CACNA1G: variants seen among roughly 807,000 people sequenced by gnomAD.
CACNA1G encodes calcium voltage-gated channel subunit alpha1 G.
CACNA1G carries 67 observed loss-of-function variants against 219.4 expected under a neutral mutation model. The ratio of observed to expected loss-of-function variants is 0.31; its 90% CI spans 0.25 to 0.37. The LOEUF (loss-of-function observed/expected upper bound fraction) is 0.37, where lower values mean the gene tolerates loss of function less well. Among genes scored for constraint, CACNA1G ranks in the 10% least tolerant of loss-of-function variants. The pLI, the probability that CACNA1G is intolerant of heterozygous loss-of-function variation, is 1.00. For missense variants in CACNA1G, 2,380 were observed against 3,231.4 expected (o/e 0.74, Z 6.39); for synonymous variants, 1,296 against 1,345.3 (o/e 0.96, Z 0.80).
chr17:50,597,650 TCTA>T (rs1230655877), intron 16 of CACNA1G, among the ~76,000 whole-genome samples: 1 of 152,240 alleles, frequency 6.6e-6, no homozygotes, highest in Non-Finnish European at 1.5e-5. Context: ...CATTTAAAAA[TCTA>T]CTCTTAGCAA....
chr17:50,622,396 C>T lies in CACNA1G; in HGVS notation c.6060+602C>T, dbSNP rs571914470. ...TCCCTACCCTTTCCCTTCTCCAGCT[C>T]CCGTCCCTTCTGACTGTGAGCAGCC... On this transcript the variant is annotated intron_variant, in intron 35 of 37. Transcript: ENST00000359106. Among the ~76,000 whole-genome samples the T allele has an allele frequency of 1.7e-4, 26 of 152,208 alleles. No individual in the cohort carries two copies. The East Asian group carries it at 5.0e-3, about 29-fold the overall frequency.
At position 50,578,276 on chromosome 17, in the gene CACNA1G, C is replaced by T. The variant is rs1568006379; in HGVS notation, c.2013C>T (p.Ala671=). ...GTCCAGACAGCTGCCCCTACTGTGC[C>T]CGGGCCGGGGCAGGGGAGGTGGAGC... The part of the protein sequence containing the change: ...ACGPDSCPYC[A]RAGAGEVELA... Residue 671 remains alanine, a synonymous_variant, in exon 9 of 38, where the codon GCC becomes GCT. Coordinates refer to ENST00000359106, the MANE Select transcript of CACNA1G (RefSeq NM_018896.5). The surrounding 1 kb of genome is among the most constrained non-coding windows in gnomAD (Gnocchi z 4.5). 6.2e-7 allele frequency: 1 copy of T among 1,613,014 alleles called. No individual in the cohort carries two copies. Among genetic ancestry groups the T allele is most frequent in the Non-Finnish European group, 8.5e-7 (1 of 1,179,778 alleles).
In CACNA1G at chr17:50,599,434, G is replaced by T. The variant is rs57225302; in HGVS notation, c.3265G>T (p.Ala1089Ser). The change falls in exon 17 of 38, where the codon GCC becomes TCC. Residue 1089 changes from alanine to serine, a missense_variant. Ala to Ser is a moderately conservative substitution (Grantham distance 99). This residue lies in a region of CACNA1G where 418 missense variants were observed against 434.3 expected (regional missense o/e 0.96). Transcript: ENST00000359106. ...AAHEMKSPPS[A>S]RSSPHSPWSA... ...CTCCCCTGCTCACCCACAGCCCAGC[G>T]CCCGCAGCTCTCCGCACAGCCCCTG... 58 of 1,545,808 alleles carry T rather than the reference G, an allele frequency of 3.8e-5. No individual in the cohort carries two copies. In the East Asian group the frequency reaches 1.4e-3, roughly 36 times the overall value.
At chr17:50,614,939 G>T (rs2050125784) in intron 26 of CACNA1G, among the ~76,000 whole-genome samples, 1 of 152,240 alleles carries the variant, frequency 6.6e-6, no homozygotes, top group African/African-American at 2.4e-5. Flanking sequence ...GCTTGGTGAA[G>T]GAGCAAAAGC....
At chr17:50,605,133 C>T (rs2047682184) in intron 22 of CACNA1G, among the ~76,000 whole-genome samples, 1 of 152,226 alleles carries the variant, frequency 6.6e-6, no homozygotes, top group African/African-American at 2.4e-5. Flanking sequence ...CCTCACTTCC[C>T]AGCCTCCTTG....
At chr17:50,574,250 C>T (rs535732522) in intron 7 of CACNA1G, among the ~76,000 whole-genome samples, 2 of 152,270 alleles carry the variant, frequency 1.3e-5, no homozygotes, top group East Asian at 1.9e-4. Flanking sequence ...ACCAAGAGGC[C>T]AACGACAGAG....
intron 9 of CACNA1G, among the ~76,000 whole-genome samples, chr17:50,590,113 G>T (rs1436259021): frequency 6.6e-6 from 1 of 152,148 alleles, no homozygotes; most frequent in African/African-American, 2.4e-5. Flanking sequence ...CATGCTGCTG[G>T]CCTGGGCCCG....
chr17:50,619,430 C>T (rs1322824291), intron 33 of CACNA1G, among the ~76,000 whole-genome samples: 30 of 152,148 alleles, frequency 2.0e-4, no homozygotes, highest in Non-Finnish European at 8.8e-5. Context: ...CTCCCCCCGC[C>T]GTGGGCTCTG....
At chr17:50,572,351 A>C (rs1432673102) in intron 5 of CACNA1G, among the ~76,000 whole-genome samples, 1 of 152,082 alleles carries the variant, frequency 6.6e-6, no homozygotes, top group Non-Finnish European at 1.5e-5. Context: ...ACCTTCCAAC[A>C]TCCTGAGTCT....
chr17:50,572,718 C>A lies in CACNA1G; in HGVS notation c.911C>A (p.Ala304Asp). The change falls in exon 6 of 38, where the codon GCC becomes GAC. Residue 304 changes from alanine (A) to aspartate (D), a missense_variant. Physicochemically the swap from Ala to Asp is moderately radical, Grantham distance 126 (BLOSUM62 -2). This residue lies in a region of CACNA1G where 68 missense variants were observed against 85.3 expected (regional missense o/e 0.80). Coordinates refer to ENST00000359106, the MANE Select transcript of CACNA1G (RefSeq NM_018896.5). ...CCACCTTGCGGTCTGGACTATGAGG[C>A]CTACAACAGCTCCAGCAACACCACC... ...GGPPCGLDYE[A>D]YNSSSNTTCV... The A allele has an allele frequency of 6.2e-7, 1 of 1,613,896 alleles. No individual in the cohort carries two copies. Among genetic ancestry groups the A allele is most frequent in the Admixed American group, 1.7e-5 (1 of 60,016 alleles).
chr17:50,606,126 G>A (rs1018471376), intron 23 of CACNA1G, 103 bp downstream of exon 23: 4 of 1,461,920 alleles, frequency 2.7e-6, no homozygotes, highest in Admixed American at 1.7e-5. Context: ...TGGGCTCCAC[G>A]AAGAGATCAG....
In CACNA1G at chr17:50,623,970, A is replaced by C; in HGVS notation, c.6124A>C (p.Ser2042Arg). The C allele has an allele frequency of 6.2e-7, 1 of 1,613,350 alleles. No individual in the cohort carries two copies. The highest frequency in any genetic ancestry group is 8.5e-7 in the Non-Finnish European group (1 of 1,179,846). ...ACTGACTGTGCGGAAGTCTGGGGTC[A>C]GCCGAACGCACTCTCTGCCCAATGA... ...DLLTVRKSGV[S>R]RTHSLPNDSY... The change falls in exon 36 of 38, where the codon AGC becomes CGC. Residue 2042 changes from serine (S) to arginine (R), a missense_variant. Around this residue, in one of 17 missense-constraint regions of CACNA1G, gnomAD observed 672 missense variants for 670.5 expected, o/e 1.00. Coordinates refer to ENST00000359106, the MANE Select transcript of CACNA1G (RefSeq NM_018896.5).
In CACNA1G at chr17:50,600,765, C is replaced by T. The variant is rs375505443; in HGVS notation, c.3730C>T (p.Leu1244Phe). 4.3e-6 allele frequency: 7 copies of T among 1,613,770 alleles called. No homozygotes were observed. In the African/African-American group the frequency reaches 5.3e-5, roughly 12 times the overall value. ...ERVRAWIRARLPACCLERDSW... is the reference protein window; with the variant it reads ...ERVRAWIRARFPACCLERDSW... Reference sequence around the variant, plus strand: ...GGTCCGCGCGTGGATCCGAGCCCGACTCCCTGCCTGCTGCCTCGAGCGAGA... The same window carrying T: ...GGTCCGCGCGTGGATCCGAGCCCGATTCCCTGCCTGCTGCCTCGAGCGAGA... Residue 1244 changes from leucine to phenylalanine, a missense_variant, in exon 18 of 38, where the codon CTC (leucine) becomes TTC (phenylalanine). Physicochemically the swap from Leu to Phe is conservative, Grantham distance 22 (BLOSUM62 0). Transcript: ENST00000359106. The surrounding 1 kb of genome is among the most constrained non-coding windows in gnomAD (Gnocchi z 4.1).
At chr17:50,613,601 G>C (rs1012792835) in intron 26 of CACNA1G, among the ~76,000 whole-genome samples, 1 of 152,222 alleles carries the variant, frequency 6.6e-6, no homozygotes, top group African/African-American at 2.4e-5. Context: ...CCTCTACATT[G>C]TCTCAGCTAA....
chr17:50,590,699 C>G, intron 10 of CACNA1G, 77 bp downstream of exon 10: 1 of 1,422,126 alleles, frequency 7.0e-7, no homozygotes, highest in Non-Finnish European at 9.7e-7. Flanking sequence ...GCCATGCCAC[C>G]TATTCCCCTG....
intron 9 of CACNA1G, among the ~76,000 whole-genome samples, chr17:50,586,410 C>T (rs1305105747): frequency 6.6e-6 from 1 of 152,158 alleles, no homozygotes; most frequent in East Asian, 1.9e-4. Context: ...CCCTGCACAC[C>T]CCTTCCCTTG....
In CACNA1G at chr17:50,605,886, ATG is replaced by A. The variant is rs758058947; in HGVS notation, c.4297-6_4297-5del. Reference sequence around the variant, plus strand: ...AGCTCACTTTTCTCTGTCTCTGGGAATGTGTGTCCAGCTCTTCAAAGGGAAGT... The same window carrying A: ...AGCTCACTTTTCTCTGTCTCTGGGAATGTGTCCAGCTCTTCAAAGGGAAGT... On this transcript the variant is annotated splice_polypyrimidine_tract_variant and intron_variant, in intron 22 of 37. Coordinates refer to ENST00000359106, the MANE Select transcript of CACNA1G (RefSeq NM_018896.5). 3 of 1,612,970 alleles carry A rather than the reference ATG, an allele frequency of 1.9e-6. No individual in the cohort carries two copies. Among genetic ancestry groups the A allele is most frequent in the Non-Finnish European group, 1.7e-6 (2 of 1,179,854 alleles).
At chr17:50,581,015 G>A (rs1438458782) in intron 9 of CACNA1G, among the ~76,000 whole-genome samples, 2 of 151,506 alleles carry the variant, frequency 1.3e-5, no homozygotes, top group African/African-American at 4.9e-5. Flanking sequence ...GGGAGACAGA[G>A]ACACATGGGG....
intron 13 of CACNA1G, among the ~76,000 whole-genome samples, chr17:50,592,451 C>A (rs2044530040): frequency 6.6e-6 from 1 of 152,140 alleles, no homozygotes; most frequent in South Asian, 2.1e-4. Flanking sequence ...CCGGAGAGGA[C>A]CCCTCTGAGC....
Sources: allele counts gnomAD v4.1 joint callset (sites outside exome capture counted in the v4.1 genomes callset), GRCh38; gene constraint gnomAD v4.1.1; regional missense constraint gnomAD v4.1.1; non-coding constraint Gnocchi (gnomAD v3.1); transcripts MANE v1.5; gene names NCBI Gene and HGNC (gene_info 2026-07-23, HGNC 2026-07-21).